The following MYO3B variants were observed in gnomAD, a reference collection of about 807,000 sequenced individuals.
The protein encoded by MYO3B is myosin-IIIb.
In MYO3B, 156 loss-of-function variants were observed where a neutral mutation model predicts 174.6. The ratio of observed to expected loss-of-function variants is 0.89; its 90% CI spans 0.78 to 1.02. The LOEUF is 1.02. Ranked by LOEUF, MYO3B falls within the 50% of genes least tolerant of loss-of-function variation. MYO3B has a pLI of 0.00. For missense variants in MYO3B, 1,632 were observed against 1,639.4 expected (o/e 1.00, Z 0.08); for synonymous variants, 563 against 569.1 (o/e 0.99, Z 0.15).
At chr2:170,585,970 G>T (rs1475629917) in intron 32 of MYO3B, among the ~76,000 whole-genome samples, 1 of 152,110 alleles carries the variant, frequency 6.6e-6, no homozygotes, top group East Asian at 1.9e-4. Context: ...AGGCAGGCCA[G>T]GGGGAGGTTG....
chr2:170,385,956 A>T (rs1323320782), intron 12 of MYO3B: 11 of 317,328 alleles, frequency 3.5e-5, no homozygotes, highest in Non-Finnish European at 3.5e-5. Context: ...CAAGGAAAAA[A>T]CTCAAATATC....
chr2:170,618,717 G>A (rs1032900332), intron 32 of MYO3B, among the ~76,000 whole-genome samples: 2 of 152,126 alleles, frequency 1.3e-5, no homozygotes. Context: ...ATTAAGTTAA[G>A]TGAGGGTGGG....
At chr2:170,575,814 A>G (rs1043914436) in intron 32 of MYO3B, among the ~76,000 whole-genome samples, 2 of 152,214 alleles carry the variant, frequency 1.3e-5, no homozygotes, top group African/African-American at 4.8e-5. Context: ...ATTTTTTAAA[A>G]GAAAAAGTGT....
At position 170,383,184 on chromosome 2, in the gene MYO3B, C is replaced by T; in HGVS notation, c.1180C>T (p.Pro394Ser). ...NPFQNLSIYS[P>S]QFSRLYHGVK... ...CTTCCAGAATCTAAGCATATACTCTCCACAGGTAAGGGATGTTTTAAGAGC... is the reference window on the plus strand; with the variant it reads ...CTTCCAGAATCTAAGCATATACTCTTCACAGGTAAGGGATGTTTTAAGAGC... Residue 394 changes from proline to serine, a missense_variant, in exon 11 of 35, where the codon CCA (proline) becomes TCA (serine). Coordinates refer to ENST00000408978, the MANE Select transcript of MYO3B (RefSeq NM_138995.5). 1 of 1,579,006 alleles carries T rather than the reference C, an allele frequency of 6.3e-7. No homozygotes were observed. Among genetic ancestry groups the T allele is most frequent in the Non-Finnish European group, 8.7e-7 (1 of 1,148,480 alleles).
At chr2:170,356,771 A>ATT (rs1379010220) in intron 8 of MYO3B, among the ~76,000 whole-genome samples, 1 of 151,834 alleles carries the variant, frequency 6.6e-6, no homozygotes, top group South Asian at 2.1e-4. Flanking sequence ...ATTTATTTTT[A>ATT]TTTTTATCTT....
chr2:170,192,408 G>C (rs1463660579), intron 1 of MYO3B, among the ~76,000 whole-genome samples: 3 of 150,626 alleles, frequency 2.0e-5, no homozygotes, highest in Non-Finnish European at 4.4e-5. Flanking sequence ...TATAATTTTT[G>C]AATTTCTTAT....
At chr2:170,470,656 G>A (rs1014488114) in intron 25 of MYO3B, among the ~76,000 whole-genome samples, 3 of 151,082 alleles carry the variant, frequency 2.0e-5, no homozygotes, top group African/African-American at 7.2e-5. Context: ...GTAACCCTCT[G>A]TTCCAAGTGG....
intron 25 of MYO3B, among the ~76,000 whole-genome samples, chr2:170,473,713 G>C (rs1685127150): frequency 6.6e-6 from 1 of 152,010 alleles, no homozygotes; most frequent in Non-Finnish European, 1.5e-5. Context: ...ACATTGAAAG[G>C]CTAACTTTAA....
chr2:170,185,790 C>T (rs1156807988), intron 1 of MYO3B, among the ~76,000 whole-genome samples: 1 of 152,030 alleles, frequency 6.6e-6, no homozygotes, highest in African/African-American at 2.4e-5. Context: ...GAATATCTTT[C>T]CCTTTTCATG....
intron 7 of MYO3B, among the ~76,000 whole-genome samples, chr2:170,310,389 G>A (rs1017287854): frequency 1.3e-5 from 2 of 152,226 alleles, no homozygotes; most frequent in East Asian, 3.9e-4. Context: ...TGGGCTGTGC[G>A]CAGTGGCTCA....
rs575428373 is a variant in MYO3B at position 170,612,438 on chromosome 2, C to T, written c.3734-39190C>T. Among the ~76,000 whole-genome samples, 97 of 152,308 alleles carry T rather than the reference C, an allele frequency of 6.4e-4. 1 individual carries two copies. In the South Asian group the frequency reaches 0.019, roughly 30 times the overall value. On this transcript the variant is annotated intron_variant, in intron 32 of 34. Transcript: ENST00000408978. ...TATCACTTTCTAACATTCTATATGC[C>T]ACTCTTACTTATTACCCCTATTGTT... is the stretch of plus-strand genomic sequence containing the variant.
At chr2:170,184,563 C>A (rs2092440483) in intron 1 of MYO3B, among the ~76,000 whole-genome samples, 1 of 151,992 alleles carries the variant, frequency 6.6e-6, no homozygotes, top group African/African-American at 2.4e-5. Context: ...ATATATAAAC[C>A]TGATTTTATT....
intron 30 of MYO3B, 41 bp downstream of exon 30, chr2:170,519,581 G>T (rs1352244850): frequency 6.8e-7 from 1 of 1,463,912 alleles, no homozygotes; most frequent in Non-Finnish European, 9.6e-7. Flanking sequence ...GTAAACTCAG[G>T]TGCTCCATTC....
chr2:170,490,372 A>G (rs1205147703), intron 25 of MYO3B, among the ~76,000 whole-genome samples: 1 of 152,206 alleles, frequency 6.6e-6, no homozygotes, highest in African/African-American at 2.4e-5. Flanking sequence ...ATAGAAGTAC[A>G]ATGATTTTTG....
At chr2:170,530,483 A>G (rs543101560) in intron 30 of MYO3B, among the ~76,000 whole-genome samples, 3 of 152,282 alleles carry the variant, frequency 2.0e-5, no homozygotes, top group African/African-American at 7.2e-5. Context: ...AAGTGGTTCA[A>G]CACCACCTAT....
intron 7 of MYO3B, among the ~76,000 whole-genome samples, chr2:170,327,860 C>CATATATATATATATAT (rs201033292): frequency 2.8e-4 from 29 of 102,522 alleles, no homozygotes; most frequent in East Asian, 7.4e-4. Context: ...GAATTATTAG[C>CATATATATATATATAT]ATATATATAT....
At chr2:170,329,142 A>C (rs2093891616) in intron 7 of MYO3B, among the ~76,000 whole-genome samples, 1 of 143,230 alleles carries the variant, frequency 7.0e-6, no homozygotes, top group African/African-American at 2.9e-5. Flanking sequence ...ACTGAGTGAG[A>C]CTCTGTCTCC....
intron 7 of MYO3B, among the ~76,000 whole-genome samples, chr2:170,250,941 T>G (rs1170223883): frequency 6.6e-6 from 1 of 151,940 alleles, no homozygotes; most frequent in East Asian, 2.0e-4. Flanking sequence ...CTTCTCCTTC[T>G]GGAGCCTGGG....
rs148435888 is a variant in MYO3B, at chr2:170,250,110, C to T, written c.749+13974C>T. Among the ~76,000 whole-genome samples, 466 of 152,262 alleles carry T rather than the reference C, an allele frequency of 3.1e-3. 5 individuals carry two copies. The highest frequency in any genetic ancestry group is 0.011 in the African/African-American group (452 of 41,548). Reference sequence around the variant, plus strand: ...TATATCCACTATTATTGACGATGAGCCCTCTTCATAAGTGTGTTTTATGCA... The same window carrying T: ...TATATCCACTATTATTGACGATGAGTCCTCTTCATAAGTGTGTTTTATGCA... On this transcript the variant is annotated intron_variant, in intron 7 of 34. Coordinates refer to ENST00000408978, the MANE Select transcript of MYO3B (RefSeq NM_138995.5).
Sources: gnomAD v4.1 joint callset for allele counts (sites outside exome capture counted in the v4.1 genomes callset) on GRCh38, gnomAD v4.1.1 for gene constraint, MANE v1.5 for transcripts, NCBI Gene and HGNC (gene_info 2026-07-23, HGNC 2026-07-21) for gene names.